Variants in SCFD2 observed in about 807,000 individuals in gnomAD.
SCFD2 encodes the protein sec1 family domain-containing protein 2.
SCFD2 carries 54 observed loss-of-function variants against 58.9 expected under a neutral mutation model. The ratio of observed to expected loss-of-function variants is 0.92; its 90% CI spans 0.74 to 1.15. The LOEUF (loss-of-function observed/expected upper bound fraction) is 1.15, where lower values mean the gene tolerates loss of function less well. SCFD2 is among the 50% of genes most tolerant of loss of function. SCFD2 has a pLI of 0.00. For synonymous variants in SCFD2, 321 were observed against 335.9 expected, an observed-to-expected ratio of 0.96 and a Z score of 0.49; for missense variants, 805 against 836.6, an observed-to-expected ratio of 0.96 and a Z score of 0.47.
chr4:53,046,689 A>T (rs1338101252), intron 5 of SCFD2, among the ~76,000 whole-genome samples: 1 of 152,020 alleles, frequency 6.6e-6, no homozygotes, highest in Non-Finnish European at 1.5e-5. Context: ...TTTCTTTGAG[A>T]CAGAGCCTTG....
chr4:53,145,305 G>A, intron 5 of SCFD2, 28 bp downstream of exon 5: 1 of 1,611,084 alleles, frequency 6.2e-7, no homozygotes, highest in Non-Finnish European at 8.5e-7. Context: ...AGTGATGTTT[G>A]TGTCCTGTAT....
intron 4 of SCFD2, among the ~76,000 whole-genome samples, chr4:53,222,992 T>A (rs1381419860): frequency 6.6e-6 from 1 of 152,172 alleles, no homozygotes; most frequent in Non-Finnish European, 1.5e-5. Flanking sequence ...TCACCAGATG[T>A]GGAACCCATA....
At chr4:53,008,159 T>C (rs1722020452) in intron 5 of SCFD2, among the ~76,000 whole-genome samples, 1 of 152,190 alleles carries the variant, frequency 6.6e-6, no homozygotes, top group African/African-American at 2.4e-5. Flanking sequence ...GGGTCATGCG[T>C]AGGCCCAAGG....
intron 4 of SCFD2, among the ~76,000 whole-genome samples, chr4:53,250,244 G>A (rs542954403): frequency 6.6e-6 from 1 of 152,150 alleles, no homozygotes; most frequent in Non-Finnish European, 1.5e-5. Context: ...GCAACAAGAA[G>A]AACTAACTAT....
intron 3 of SCFD2, among the ~76,000 whole-genome samples, chr4:53,298,891 G>A (rs772702061): frequency 1.8e-4 from 28 of 152,270 alleles, no homozygotes; most frequent in Middle Eastern, 3.4e-3. Flanking sequence ...GGTCCTGACT[G>A]TTAGAAGGAA....
intron 5 of SCFD2, among the ~76,000 whole-genome samples, chr4:53,006,969 C>A (rs897701249): frequency 6.6e-6 from 1 of 151,938 alleles, no homozygotes; most frequent in Non-Finnish European, 1.5e-5. Context: ...TCAAGAGACA[C>A]TAGAAATGCA....
chr4:53,038,442 T>C (rs746680960), intron 5 of SCFD2, among the ~76,000 whole-genome samples: 9 of 152,176 alleles, frequency 5.9e-5, no homozygotes, highest in Non-Finnish European at 1.3e-4. Context: ...TTGGGCTCCT[T>C]TATATTTCCT....
At chr4:52,899,257 C>T (rs1332120479) in intron 7 of SCFD2, among the ~76,000 whole-genome samples, 2 of 152,190 alleles carry the variant, frequency 1.3e-5, no homozygotes, top group African/African-American at 2.4e-5. Flanking sequence ...ATAGTCTTTA[C>T]AATTTGGCAT....
intron 4 of SCFD2, among the ~76,000 whole-genome samples, chr4:53,217,735 T>C (rs2412406): frequency 0.69 from 105,534 of 152,052 alleles, 36,872 homozygotes; most frequent in Middle Eastern, 0.78. Context: ...TTCTTCATGG[T>C]ATCAATGGTC....
chr4:53,251,215 A>C (rs1180917345), intron 4 of SCFD2, among the ~76,000 whole-genome samples: 1 of 152,214 alleles, frequency 6.6e-6, no homozygotes, highest in Non-Finnish European at 1.5e-5. Context: ...GACCAATAAC[A>C]GGATCTGAAA....
rs368949905 is a variant in SCFD2 at position 53,252,908 on chromosome 4, C to A, written c.1311+20918G>T. 4.3e-4 allele frequency among the ~76,000 whole-genome samples: 65 copies of A among 152,168 alleles called. 1 individual carries two copies. The South Asian group carries it at 4.6e-3, about 11-fold the overall frequency. On this transcript the variant is annotated intron_variant, in intron 4 of 8. Coordinates refer to ENST00000401642, the MANE Select transcript of SCFD2 (RefSeq NM_152540.4). ...CAAATGGGATCTCATTAAACTAAAG[C>A]GCTTCTGCACAGCAAAAGAAACTAC...
intron 5 of SCFD2, among the ~76,000 whole-genome samples, chr4:52,977,079 C>A (rs1258486499): frequency 6.6e-6 from 1 of 152,002 alleles, no homozygotes; most frequent in Admixed American, 6.6e-5. Context: ...ATTATTGTTA[C>A]CCGTATCACT....
intron 4 of SCFD2, among the ~76,000 whole-genome samples, chr4:53,238,441 G>A (rs113131217): frequency 0.41 from 58,433 of 141,834 alleles, 12,829 homozygotes; most frequent in Admixed American, 0.5. Context: ...GCGGCTGGCC[G>A]GGCAGGGGGC....
At chr4:53,102,985 C>T (rs1402471635) in intron 5 of SCFD2, among the ~76,000 whole-genome samples, 1 of 152,072 alleles carries the variant, frequency 6.6e-6, no homozygotes, top group Non-Finnish European at 1.5e-5. Context: ...AAAGGCTCTT[C>T]CTTCTGGTAG....
intron 5 of SCFD2, among the ~76,000 whole-genome samples, chr4:53,008,451 G>C (rs1181486618): frequency 6.6e-6 from 1 of 152,176 alleles, no homozygotes; most frequent in African/African-American, 2.4e-5. Context: ...AAATGTGCTT[G>C]AGAGAAAGAA....
At chr4:53,111,703 A>G (rs1490124908) in intron 5 of SCFD2, among the ~76,000 whole-genome samples, 1 of 152,136 alleles carries the variant, frequency 6.6e-6, no homozygotes, top group Non-Finnish European at 1.5e-5. Context: ...AACATTTTTC[A>G]TATTTGAATA....
At chr4:53,280,211 C>A (rs964350479) in intron 3 of SCFD2, among the ~76,000 whole-genome samples, 20 of 152,018 alleles carry the variant, frequency 1.3e-4, no homozygotes, top group African/African-American at 4.6e-4. Flanking sequence ...AAAGAGCAAC[C>A]ATCATAAGAA....
At chr4:53,011,018 G>A (rs1304848869) in intron 5 of SCFD2, among the ~76,000 whole-genome samples, 1 of 152,136 alleles carries the variant, frequency 6.6e-6, no homozygotes, top group African/African-American at 2.4e-5. Context: ...CCTTGAAAAA[G>A]CATCCAGTTC....
At chr4:53,029,164 C>A (rs569693065) in intron 5 of SCFD2, among the ~76,000 whole-genome samples, 1 of 152,176 alleles carries the variant, frequency 6.6e-6, no homozygotes, top group South Asian at 2.1e-4. Context: ...GGAAATTATT[C>A]TGTAATTTCA....
Sources: gnomAD v4.1 joint callset for allele counts (sites outside exome capture counted in the v4.1 genomes callset) on GRCh38, gnomAD v4.1.1 for gene constraint, MANE v1.5 for transcripts, NCBI Gene and HGNC (gene_info 2026-07-23, HGNC 2026-07-21) for gene names.